CSGALNACT1: variants seen among roughly 807,000 people sequenced by gnomAD.
CSGALNACT1 encodes chondroitin sulfate N-acetylgalactosaminyltransferase 1, also known as beta4GalNAcT-1.
In CSGALNACT1, 52 loss-of-function variants were observed where a neutral mutation model predicts 51.0. The ratio of observed to expected loss-of-function variants is 1.02; its 90% CI spans 0.82 to 1.29. CSGALNACT1 has a LOEUF of 1.29. Ranked by LOEUF, CSGALNACT1 falls within the 50% of genes most tolerant of loss-of-function variation. The pLI is 0.00. For synonymous variants in CSGALNACT1, 341 were observed against 254.4 expected (o/e 1.34, Z -3.24); for missense variants, 935 against 679.2 (o/e 1.38, Z -4.19).
intron 4 of CSGALNACT1, among the ~76,000 whole-genome samples, chr8:19,478,954 A>G (rs753374183): frequency 1.3e-4 from 20 of 152,236 alleles, no homozygotes; most frequent in Non-Finnish European, 2.6e-4. Context: ...ACCATCCAAC[A>G]TGCAGAAGAA....
chr8:19,606,910 C>CT (rs777459522), upstream of CSGALNACT1, among the ~76,000 whole-genome samples: 1 of 152,076 alleles, frequency 6.6e-6, no homozygotes, highest in Non-Finnish European at 1.5e-5. Context: ...AATCCCAGCA[C>CT]TTTGGGAGGC....
At chr8:19,656,599 C>G (rs114176322) in intron 1 of CSGALNACT1, among the ~76,000 whole-genome samples, 2 of 107,568 alleles carry the variant, frequency 1.9e-5, no homozygotes, top group Admixed American at 9.1e-5. Flanking sequence ...ACGCCCCCCC[C>G]CCACACACAC....
At chr8:19,672,253 C>A (rs1473256768) in intron 1 of CSGALNACT1, among the ~76,000 whole-genome samples, 1 of 152,186 alleles carries the variant, frequency 6.6e-6, no homozygotes, top group East Asian at 1.9e-4. Flanking sequence ...ATATCAAATA[C>A]TCTATGTATC....
At chr8:19,684,800 A>T (rs893900298), upstream of CSGALNACT1, among the ~76,000 whole-genome samples, 1 of 152,184 alleles carries the variant, frequency 6.6e-6, no homozygotes, top group East Asian at 1.9e-4. Context: ...GAAAAAAAGA[A>T]CGTGAATCTC....
chr8:19,633,048 G>C (rs1034163461), intron 1 of CSGALNACT1, among the ~76,000 whole-genome samples: 2 of 151,480 alleles, frequency 1.3e-5, no homozygotes, highest in African/African-American at 4.9e-5. Flanking sequence ...GATCACAAGT[G>C]TCAAAATGCT....
At chr8:19,658,477 T>G (rs1205599478) in intron 1 of CSGALNACT1, among the ~76,000 whole-genome samples, 1 of 152,198 alleles carries the variant, frequency 6.6e-6, no homozygotes, top group African/African-American at 2.4e-5. Context: ...TTCATGCCTG[T>G]AATCCCAGCA....
intron 5 of CSGALNACT1, among the ~76,000 whole-genome samples, chr8:19,446,211 G>C (rs563479032): frequency 6.6e-6 from 1 of 152,258 alleles, no homozygotes; most frequent in Admixed American, 6.5e-5. Context: ...AAATGCATGA[G>C]AAAGGAGGAA....
intron 3 of CSGALNACT1, chr8:19,591,076 A>C (rs2047712540): frequency 1.3e-5 from 2 of 152,222 alleles, no homozygotes; most frequent in Non-Finnish European, 2.9e-5. Context: ...CCTCTTGGTC[A>C]ATCTCCAAAA....
chr8:19,636,693 G>A (rs1453737157), intron 1 of CSGALNACT1, among the ~76,000 whole-genome samples: 5 of 152,002 alleles, frequency 3.3e-5, no homozygotes, highest in Non-Finnish European at 7.4e-5. Context: ...CAAATGGAGT[G>A]AGAACTTGGT....
chr8:19,417,291 T>C (rs983044516), intron 8 of CSGALNACT1, among the ~76,000 whole-genome samples: 1 of 152,224 alleles, frequency 6.6e-6, no homozygotes, highest in Non-Finnish European at 1.5e-5. Flanking sequence ...ACTGTATTAT[T>C]AGTAAACCTG....
chr8:19,455,931 C>G (rs998852114), intron 5 of CSGALNACT1, among the ~76,000 whole-genome samples: 2 of 152,224 alleles, frequency 1.3e-5, no homozygotes, highest in Non-Finnish European at 2.9e-5. Context: ...AACATCCTCT[C>G]CAGGTCACAA....
chr8:19,579,943 G>A (rs1056106850), intron 3 of CSGALNACT1, among the ~76,000 whole-genome samples: 1 of 152,208 alleles, frequency 6.6e-6, no homozygotes, highest in Non-Finnish European at 1.5e-5. Context: ...AAAGGAGGAG[G>A]AGGAAGAGGA....
rs143595128 is a variant in CSGALNACT1 at position 19,521,047 on chromosome 8, C to T, written c.-296-14917G>A. Among the ~76,000 whole-genome samples, 21 of 152,210 alleles carry T rather than the reference C, an allele frequency of 1.4e-4. 1 individual carries two copies. The highest frequency in any genetic ancestry group is 9.2e-4 in the Admixed American group (14 of 15,292). On this transcript the variant is annotated intron_variant, in intron 3 of 9. Coordinates refer to ENST00000454498, the Ensembl canonical transcript of CSGALNACT1. ...GCCCTTTCAACACACCGTCCTGGAG[C>T]GTAAGGGCAAAAGGGAGGTGTGCGG...
Position 19,418,765 on chromosome 8 carries a change from A to T in CSGALNACT1, c.1133-15T>A, listed in dbSNP as rs761370634. On this transcript the variant is annotated splice_polypyrimidine_tract_variant and intron_variant, in intron 7 of 9. Coordinates refer to ENST00000454498, the Ensembl canonical transcript of CSGALNACT1. ...TACCTTCTTCCCTACAAACCAGAAA[A>T]CAAACATTCACTTAAAGTGACAGAT... is the stretch of plus-strand genomic sequence containing the variant. 1 of 1,545,436 alleles carries T rather than the reference A, an allele frequency of 6.5e-7. No individual in the cohort carries two copies. The highest frequency in any genetic ancestry group is 1.1e-5 in the South Asian group (1 of 89,524).
chr8:19,427,265 G>C (rs2058912854), intron 6 of CSGALNACT1, among the ~76,000 whole-genome samples: 1 of 152,212 alleles, frequency 6.6e-6, no homozygotes, highest in South Asian at 2.1e-4. Flanking sequence ...TCTCAGAATG[G>C]TCACAATGCA....
chr8:19,586,576 G>A (rs1004446361), intron 3 of CSGALNACT1, among the ~76,000 whole-genome samples: 3 of 152,112 alleles, frequency 2.0e-5, no homozygotes, highest in African/African-American at 7.2e-5. Flanking sequence ...TTGAGCATCT[G>A]TAGATTTTTT....
At chr8:19,632,214 G>A (rs919928647) in intron 1 of CSGALNACT1, among the ~76,000 whole-genome samples, 3 of 152,224 alleles carry the variant, frequency 2.0e-5, no homozygotes, top group Admixed American at 1.3e-4. Flanking sequence ...ACTTTATGAT[G>A]TGGTAACTTT....
At chr8:19,443,985 T>C (rs185250712) in intron 5 of CSGALNACT1, among the ~76,000 whole-genome samples, 1 of 152,138 alleles carries the variant, frequency 6.6e-6, no homozygotes. Flanking sequence ...ATCCCTTACA[T>C]CTGCGGTTCA....
intron 1 of CSGALNACT1, among the ~76,000 whole-genome samples, chr8:19,612,948 A>G (rs866003619): frequency 7.9e-5 from 8 of 100,918 alleles, no homozygotes; most frequent in South Asian, 3.5e-4. Context: ...AGCAGCTGGA[A>G]AAAAAAAAAA....
Sources: gnomAD v4.1 joint callset for allele counts (sites outside exome capture counted in the v4.1 genomes callset) on GRCh38, gnomAD v4.1.1 for gene constraint, MANE v1.5 for transcripts, NCBI Gene and HGNC (gene_info 2026-07-23, HGNC 2026-07-21) for gene names.